Variants in CDHR3 observed in about 807,000 individuals in gnomAD.
CDHR3 encodes cadherin-related family member 3.
CDHR3 carries 79 observed loss-of-function variants against 86.6 expected under a neutral mutation model. That is an observed-to-expected ratio of 0.91 (90% CI 0.76 to 1.10). CDHR3 has a LOEUF of 1.10. CDHR3 is among the 50% of genes least tolerant of loss of function. The pLI is 0.00. For missense variants in CDHR3, 1,081 were observed against 1,077.6 expected (o/e 1.00, Z -0.04); for synonymous variants, 421 against 402.4 (o/e 1.05, Z -0.55).
chr7:106,029,225 C>T (rs1476539838), intron 17 of CDHR3, among the ~76,000 whole-genome samples: 1 of 152,134 alleles, frequency 6.6e-6, no homozygotes, highest in African/African-American at 2.4e-5. Flanking sequence ...AAGTGATCCA[C>T]CCACTGTGGC....
chr7:106,028,459 C>T, intron 16 of CDHR3, 92 bp from the exon 17 acceptor site: 2 of 1,349,444 alleles, frequency 1.5e-6, no homozygotes, highest in Non-Finnish European at 2.1e-6. Context: ...GAGATCGAAG[C>T]CTATTTAGGG....
At chr7:105,990,773 G>A (rs1046510172) in intron 4 of CDHR3, among the ~76,000 whole-genome samples, 6 of 152,196 alleles carry the variant, frequency 3.9e-5, no homozygotes, top group Non-Finnish European at 8.8e-5. Flanking sequence ...TTGAATCATT[G>A]GTCGGTGACT....
At position 106,028,932 on chromosome 7, in the gene CDHR3, CTT is replaced by C. The variant is rs748343619; in HGVS notation, c.2304+352_2304+353del. 1.7e-4 allele frequency among the ~76,000 whole-genome samples: 20 copies of C among 116,114 alleles called. 1 individual carries two copies. Among genetic ancestry groups the C allele is most frequent in the African/African-American group, 5.3e-4 (16 of 30,352 alleles). 76.2% of individuals were successfully genotyped at this position (116,114 alleles called of 152,430 possible). A position where few individuals can be genotyped will look rare whatever the true frequency, so the allele number is the denominator to read the frequency against. ...AGATTTAAATTTTCTTTCTTTCTTT[CTT>C]TCTTTCTTTCTTTCTTTCTTTCTTT... is the stretch of plus-strand genomic sequence containing the variant. On this transcript the variant is annotated intron_variant, in intron 17 of 18. Transcript: ENST00000317716.
chr7:106,033,815 A>C lies in CDHR3; in HGVS notation c.*1118A>C, dbSNP rs1838690323. On this transcript the variant is annotated 3_prime_UTR_variant, in exon 19 of 19. Coordinates refer to ENST00000317716, the MANE Select transcript of CDHR3 (RefSeq NM_152750.5). Reference sequence around the variant, plus strand: ...TGTCTTTTGGTGAACATAAACACTCACTTTTTTGCTCATATATCTAAGAGT... The same window carrying C: ...TGTCTTTTGGTGAACATAAACACTCCCTTTTTTGCTCATATATCTAAGAGT... 6.6e-6 allele frequency: 1 copy of C among 152,156 alleles called. No homozygotes were observed. The highest frequency in any genetic ancestry group is 2.4e-5 in the African/African-American group (1 of 41,426). The allele number at this position is 152,156 out of a possible 1,614,324, so 9.4% of individuals were successfully genotyped here. A position where few individuals can be genotyped will look rare whatever the true frequency, so the allele number is the denominator to read the frequency against.
chr7:106,025,223 G>A (rs1052355251), intron 15 of CDHR3, among the ~76,000 whole-genome samples: 1 of 152,198 alleles, frequency 6.6e-6, no homozygotes, highest in Non-Finnish European at 1.5e-5. Flanking sequence ...TTCTCCCAGA[G>A]CCAAGCTCCT....
intron 11 of CDHR3, among the ~76,000 whole-genome samples, chr7:106,016,958 T>G (rs190295254): frequency 6.6e-6 from 1 of 152,300 alleles, no homozygotes; most frequent in East Asian, 1.9e-4. Context: ...GTTCTGCCCT[T>G]GAGGAGTGTA....
chr7:105,973,663 A>G (rs769512355), intron 1 of CDHR3, among the ~76,000 whole-genome samples: 2 of 152,144 alleles, frequency 1.3e-5, no homozygotes, highest in Admixed American at 1.3e-4. Context: ...TGAAGACTCT[A>G]TTTCCAAATA....
At chr7:105,980,907 G>T (rs572760549) in intron 2 of CDHR3, 61 bp from the exon 3 acceptor site, 3 of 1,453,992 alleles carry the variant, frequency 2.1e-6, no homozygotes, top group East Asian at 4.9e-5. Flanking sequence ...TTTGCAAAGT[G>T]CATGCATGCA....
intron 4 of CDHR3, among the ~76,000 whole-genome samples, chr7:105,985,855 C>A (rs73718735): frequency 2.0e-5 from 3 of 152,190 alleles, no homozygotes; most frequent in Non-Finnish European, 4.4e-5. Context: ...CAAAACTTAA[C>A]CATGGGCGTG....
At chr7:106,017,734 C>T in intron 11 of CDHR3, 112 bp from the exon 12 acceptor site, 1 of 782,812 alleles carries the variant, frequency 1.3e-6, no homozygotes, top group South Asian at 1.8e-5. Flanking sequence ...GTTTGGACAG[C>T]AAGGAGGCCT....
At position 106,027,613 on chromosome 7, in the gene CDHR3, C is replaced by G. The variant is rs1046558837; in HGVS notation, c.2272+918C>G. On this transcript the variant is annotated intron_variant, in intron 16 of 18. Coordinates refer to ENST00000317716, the MANE Select transcript of CDHR3 (RefSeq NM_152750.5). ...GTCCTGGCTTGGCCTCAAGTAGACT[C>G]CAGAGTGTGGGGGAGACAGGACAAA... is the stretch of plus-strand genomic sequence containing the variant. 8 of 448,236 alleles carry G rather than the reference C, an allele frequency of 1.8e-5. No homozygotes were observed. In the East Asian group the frequency reaches 3.5e-4, roughly 20 times the overall value. The allele number at this position is 448,236 out of a possible 1,614,324, so 27.8% of individuals were successfully genotyped here.
intron 12 of CDHR3, among the ~76,000 whole-genome samples, chr7:106,018,324 C>T (rs1009846004): frequency 6.6e-6 from 1 of 152,202 alleles, no homozygotes; most frequent in Admixed American, 6.5e-5. Flanking sequence ...GCAACTTCCA[C>T]CTCCTGGGCT....
In CDHR3 at chr7:106,003,258, A is replaced by G. The variant is rs1563271448; in HGVS notation, c.863-1240A>G. 2.0e-5 allele frequency among the ~76,000 whole-genome samples: 3 copies of G among 152,226 alleles called. 1 individual carries two copies. In the East Asian group the frequency reaches 5.8e-4, roughly 29 times the overall value. ...TCTCAATTTGGATTAGCACCATTTA[A>G]TTGCTCAATAACTCTCATGTGACTA... On this transcript the variant is annotated intron_variant, in intron 7 of 18. Transcript: ENST00000317716.
At position 105,996,287 on chromosome 7, in the gene CDHR3, C is replaced by G; in HGVS notation, c.646C>G (p.Leu216Val). ...CGTGGAGGTGAGGGACAGTGGAGGC[C>G]TCAAAGCCTCCACAGAGCTCCAGGT... ...LIVEVRDSGG[L>V]KASTELQVNI... The change falls in exon 6 of 19, where the codon CTC becomes GTC. Residue 216 changes from leucine to valine, a missense_variant. Leu to Val is a conservative substitution (Grantham distance 32). Coordinates refer to ENST00000317716, the MANE Select transcript of CDHR3 (RefSeq NM_152750.5). 6.3e-7 allele frequency: 1 copy of G among 1,599,074 alleles called. No individual in the cohort carries two copies.
chr7:106,005,629 G>C (rs1438319696), intron 8 of CDHR3, among the ~76,000 whole-genome samples: 1 of 152,158 alleles, frequency 6.6e-6, no homozygotes, highest in Admixed American at 6.5e-5. Flanking sequence ...ATCTTTGAGT[G>C]GTTTTGTAAG....
At chr7:106,021,002 C>T (rs1274189900) in intron 13 of CDHR3, among the ~76,000 whole-genome samples, 1 of 152,176 alleles carries the variant, frequency 6.6e-6, no homozygotes. Context: ...TGCAGTCCAA[C>T]TTTTCGACCA....
intron 16 of CDHR3, among the ~76,000 whole-genome samples, chr7:106,027,430 C>T (rs1342669906): frequency 2.0e-5 from 3 of 151,634 alleles, no homozygotes; most frequent in Non-Finnish European, 4.4e-5. Context: ...ATATTTGATT[C>T]CCAGATTCTA....
chr7:105,965,562 G>GCCCCT (rs372930710), intron 1 of CDHR3, among the ~76,000 whole-genome samples: 1 of 56,306 alleles, frequency 1.8e-5, no homozygotes, highest in Non-Finnish European at 4.4e-5. Context: ...CCCAACTCAA[G>GCCCCT]CCCCACCCCC....
chr7:106,011,897 A>G (rs987259586), intron 8 of CDHR3, among the ~76,000 whole-genome samples: 2 of 152,188 alleles, frequency 1.3e-5, no homozygotes, highest in Non-Finnish European at 2.9e-5. Context: ...TCATTAATAA[A>G]TCTCTTTTGG....
Sources: gnomAD v4.1 joint callset for allele counts (sites outside exome capture counted in the v4.1 genomes callset) on GRCh38, gnomAD v4.1.1 for gene constraint, MANE v1.5 for transcripts, NCBI Gene and HGNC (gene_info 2026-07-23, HGNC 2026-07-21) for gene names.